The following TLN1 variants were observed in gnomAD, a reference collection of about 807,000 sequenced individuals.
The protein encoded by TLN1 is talin-1.
TLN1 carries 56 observed loss-of-function variants against 292.3 expected under a neutral mutation model. The ratio of observed to expected loss-of-function variants is 0.19; its 90% CI spans 0.15 to 0.24. The LOEUF (loss-of-function observed/expected upper bound fraction) is 0.24. Ranked by LOEUF, TLN1 falls within the 10% of genes least tolerant of loss-of-function variation. TLN1 has a pLI of 1.00. For synonymous variants in TLN1, 1,119 were observed against 1,253.7 expected, an observed-to-expected ratio of 0.89 and a Z score of 2.27; for missense variants, 2,433 against 3,248.2, an observed-to-expected ratio of 0.75 and a Z score of 6.10.
rs1436289480 is a variant in TLN1 at position 35,712,123 on chromosome 9, A to T, written c.3563T>A (p.Val1188Glu). The T allele has an allele frequency of 6.2e-7, 1 of 1,612,218 alleles. No homozygotes were observed. The highest frequency in any genetic ancestry group is 1.7e-5 in the Admixed American group (1 of 59,522). Residue 1188 changes from valine to glutamate, a missense_variant and splice_region_variant, in exon 28 of 57, where the codon GTG (valine) becomes GAG (glutamate). Val to Glu is a moderately radical substitution (Grantham distance 121). This residue lies in a region of TLN1 where 1,384 missense variants were observed against 1,699.6 expected (regional missense o/e 0.81). Coordinates refer to ENST00000314888, the MANE Select transcript of TLN1 (RefSeq NM_006289.4). ...DPESQQRLAQVAKAVTQALNR... is the reference protein window; with the variant it reads ...DPESQQRLAQEAKAVTQALNR... ...CAGAGCCTGGGTCACTGCTTTAGCCACCTGGGGTGAGAAAGGAGACAGGGT... is the reference window on the plus strand; with the variant it reads ...CAGAGCCTGGGTCACTGCTTTAGCCTCCTGGGGTGAGAAAGGAGACAGGGT...
chr9:35,713,846 G>A, intron 25 of TLN1, 107 bp downstream of exon 25: 1 of 1,230,928 alleles, frequency 8.1e-7, no homozygotes, highest in Non-Finnish European at 1.1e-6. Context: ...AAGAGAGAAA[G>A]AGAAAAAAGA....
chr9:35,720,958 C>T, intron 10 of TLN1, 45 bp from the exon 11 acceptor site: 4 of 1,500,222 alleles, frequency 2.7e-6, no homozygotes, highest in Non-Finnish European at 3.7e-6. Flanking sequence ...TCAAATCTAT[C>T]CAGGATGGAA....
At chr9:35,716,358 C>T (rs775116790) in intron 20 of TLN1, 32 bp downstream of exon 20, 122 of 1,611,664 alleles carry the variant, frequency 7.6e-5, no homozygotes, top group Middle Eastern at 1.7e-4. Context: ...CTCTAGGGTC[C>T]AGTCTGGGAG....
At chr9:35,710,047 TAAA>T (rs780739132) in intron 33 of TLN1, among the ~76,000 whole-genome samples, 3 of 115,422 alleles carry the variant, frequency 2.6e-5, no homozygotes, top group African/African-American at 6.4e-5. Flanking sequence ...CTGTCTTTAC[TAAA>T]AAAAAAAAAA....
At chr9:35,721,852 G>C (rs774899979) in intron 9 of TLN1, 49 bp from the exon 10 acceptor site, 3 of 1,593,844 alleles carry the variant, frequency 1.9e-6, no homozygotes, top group Non-Finnish European at 2.6e-6. Flanking sequence ...GGTCAAATGA[G>C]AGGTGAATGA....
chr9:35,700,005 C>T lies in TLN1; in HGVS notation c.6737G>A (p.Gly2246Asp). Reference protein sequence around the residue: ...ALHYGRECANGYLELLDHVLL... With the variant: ...ALHYGRECANDYLELLDHVLL... ...TACATGGTCCAGCAGTTCCAGGTAG[C>T]CATTGGCACACTCCCGGCCATAGTG... Residue 2246 changes from glycine to aspartate, a missense_variant, in exon 50 of 57, where the codon GGC (glycine) becomes GAC (aspartate). Transcript: ENST00000314888. 6.2e-7 allele frequency: 1 copy of T among 1,613,328 alleles called. No homozygotes were observed. Among genetic ancestry groups the T allele is most frequent in the South Asian group, 1.1e-5 (1 of 90,978 alleles).
chr9:35,699,961 C>T lies in TLN1; in HGVS notation c.6768+13G>A, dbSNP rs199643101. On this transcript the variant is annotated intron_variant, in intron 50 of 56. Coordinates refer to ENST00000314888, the MANE Select transcript of TLN1 (RefSeq NM_006289.4). The surrounding 1 kb of genome is among the most constrained non-coding windows in gnomAD (Gnocchi z 4.0). ...GGAGGCTGGTATGAGGAACAAGCAA[C>T]GCCCTCCCTTACCAGCAGTACATGG... 1.4e-4 allele frequency: 217 copies of T among 1,600,534 alleles called. No homozygotes were observed. In the East Asian group the frequency reaches 3.3e-3, roughly 24 times the overall value.
intron 25 of TLN1, among the ~76,000 whole-genome samples, chr9:35,713,571 C>A (rs1050697905): frequency 7.9e-5 from 12 of 152,030 alleles, no homozygotes; most frequent in African/African-American, 2.9e-4. Flanking sequence ...GTAATCCCAG[C>A]TACTCAGGAG....
At chr9:35,700,786 C>T (rs929411832) in intron 48 of TLN1, among the ~76,000 whole-genome samples, 11 of 152,048 alleles carry the variant, frequency 7.2e-5, no homozygotes, top group Non-Finnish European at 1.5e-5. Context: ...AATATCACAC[C>T]GAGGAACTTG....
Position 35,724,493 on chromosome 9 carries a change from G to C in TLN1, c.511+79C>G. On this transcript the variant is annotated intron_variant, in intron 5 of 56. Transcript: ENST00000314888. This position sits in a 1 kb window ranked among gnomAD's most constrained non-coding sequence, Gnocchi z 4.7. ...TGATGTATCCCCAGGGTGTAAAACA[G>C]TGCCTGGCAGAAGCAGATGCTGAAG... The C allele has an allele frequency of 6.3e-7, 1 of 1,575,916 alleles. No individual in the cohort carries two copies. Among genetic ancestry groups the C allele is most frequent in the Non-Finnish European group, 8.6e-7 (1 of 1,159,628 alleles).
Position 35,704,930 on chromosome 9 carries a change from G to T in TLN1, c.5734-115C>A. 7.8e-7 allele frequency: 1 copy of T among 1,278,260 alleles called. No individual in the cohort carries two copies. The highest frequency in any genetic ancestry group is 1.1e-6 in the Non-Finnish European group (1 of 932,842). 79.2% of individuals were successfully genotyped at this position (1,278,260 alleles called of 1,614,324 possible). ...AAAACATGCATTGTAGACTAAAGAA[G>T]CAGAGAGAGAAGGTTCCCAGCACAA... On this transcript the variant is annotated intron_variant, in intron 43 of 56. Transcript: ENST00000314888. The surrounding 1 kb of genome is among the most constrained non-coding windows in gnomAD (Gnocchi z 6.9).
At position 35,724,711 on chromosome 9, in the gene TLN1, A is replaced by G. The variant is rs1054679332; in HGVS notation, c.372T>C (p.His124=). The change falls in exon 5 of 57, where the codon CAT becomes CAC. Residue 124 remains histidine, a synonymous_variant. Coordinates refer to ENST00000314888, the MANE Select transcript of TLN1 (RefSeq NM_006289.4). This position sits in a 1 kb window ranked among gnomAD's most constrained non-coding sequence, Gnocchi z 4.7. Reference sequence around the variant, plus strand: ...GCTCTCGAACCAATGAATATTCATCATGATTGGTGATGCCTGAGGAAGGAG... The same window carrying G: ...GCTCTCGAACCAATGAATATTCATCGTGATTGGTGATGCCTGAGGAAGGAG... ...TICARIGITN[H]DEYSLVRELM... 1 of 1,614,062 alleles carries G rather than the reference A, an allele frequency of 6.2e-7. No homozygotes were observed. Among genetic ancestry groups the G allele is most frequent in the Non-Finnish European group, 8.5e-7 (1 of 1,180,016 alleles).
chr9:35,723,966 C>T lies in TLN1; in HGVS notation c.768G>A (p.Lys256=), dbSNP rs1225876674. 4 of 1,613,988 alleles carry T rather than the reference C, an allele frequency of 2.5e-6. No individual in the cohort carries two copies. Among genetic ancestry groups the T allele is most frequent in the Admixed American group, 3.3e-5 (2 of 59,984 alleles). The change falls in exon 7 of 57, where the codon AAG becomes AAA. Residue 256 remains lysine (K), a synonymous_variant. Transcript: ENST00000314888. ...QFGPHNEQKH[K]AGFLDLKDFL... is the part of the protein sequence containing the mutation. ...GGGTCACTCACTCAAGGAAGCCAGC[C>T]TTGTGCTTCTGCTCATTGTGGGGCC... is the stretch of plus-strand genomic sequence containing the variant.
intron 27 of TLN1, 23 bp downstream of exon 27, chr9:35,712,812 G>A: frequency 1.3e-6 from 2 of 1,545,104 alleles, no homozygotes; most frequent in Non-Finnish European, 1.8e-6. Context: ...GGGAGAGGGA[G>A]TGGCCCTTTC....
chr9:35,716,078 A>G (rs778585000), intron 20 of TLN1, among the ~76,000 whole-genome samples: 2 of 151,622 alleles, frequency 1.3e-5, no homozygotes, highest in Admixed American at 1.3e-4. Flanking sequence ...ATTTTAGGCC[A>G]GGTGTGGTGG....
In TLN1 at chr9:35,719,173, C is replaced by T. The variant is rs1337127278; in HGVS notation, c.1797G>A (p.Glu599=). 3 of 1,614,090 alleles carry T rather than the reference C, an allele frequency of 1.9e-6. No individual in the cohort carries two copies. Among genetic ancestry groups the T allele is most frequent in the African/African-American group, 2.7e-5 (2 of 74,952 alleles). ...GGGGCCGACCACTGCCGCCTTCGTC[C>T]TCCAGCAAGGCAGCCAGCAGCTTCA... ...RGVKLLAALL[E]DEGGSGRPLL... The change falls in exon 16 of 57, where the codon GAG becomes GAA. Residue 599 remains glutamate, a synonymous_variant. Coordinates refer to ENST00000314888, the MANE Select transcript of TLN1 (RefSeq NM_006289.4). This position sits in a 1 kb window ranked among gnomAD's most constrained non-coding sequence, Gnocchi z 4.6.
Position 35,698,777 on chromosome 9 carries a change from T to G in TLN1, c.7125+31A>C. ...ATGTGGACATCAAAGTGCCAACCTG[T>G]CCCCATTCTTCTGGGTATTTAAGCA... On this transcript the variant is annotated intron_variant, in intron 53 of 56. Transcript: ENST00000314888. This position sits in a 1 kb window ranked among gnomAD's most constrained non-coding sequence, Gnocchi z 5.3. The G allele has an allele frequency of 6.2e-7, 1 of 1,613,726 alleles. No homozygotes were observed. The highest frequency in any genetic ancestry group is 2.2e-5 in the East Asian group (1 of 44,864).
At chr9:35,705,057 T>A (rs1027032330) in intron 43 of TLN1, among the ~76,000 whole-genome samples, 12 of 151,810 alleles carry the variant, frequency 7.9e-5, no homozygotes, top group African/African-American at 2.9e-4. Flanking sequence ...TTAAGCACAG[T>A]GGGGAGAAGG....
Position 35,707,953 on chromosome 9 carries a change from G to A in TLN1, c.4471-61C>T. ...GGAAGGAGGTGTACATACCCAAGGA[G>A]GAGCCATTTTAGGGTCAGGGGATGG... is the stretch of plus-strand genomic sequence containing the variant. On this transcript the variant is annotated intron_variant, in intron 34 of 56. Coordinates refer to ENST00000314888, the MANE Select transcript of TLN1 (RefSeq NM_006289.4). The surrounding 1 kb of genome is among the most constrained non-coding windows in gnomAD (Gnocchi z 5.6). 6.3e-7 allele frequency: 1 copy of A among 1,583,414 alleles called. No individual in the cohort carries two copies.
Sources: gnomAD v4.1 joint callset for allele counts (sites outside exome capture counted in the v4.1 genomes callset) on GRCh38, gnomAD v4.1.1 for gene constraint, gnomAD v4.1.1 regional missense constraint, Gnocchi (gnomAD v3.1) non-coding constraint, MANE v1.5 for transcripts, NCBI Gene and HGNC (gene_info 2026-07-23, HGNC 2026-07-21) for gene names.